NEDD1: variants seen among roughly 807,000 people sequenced by gnomAD.
The protein encoded by NEDD1 is NEDD1 gamma-tubulin ring complex targeting factor.
In NEDD1, 33 loss-of-function variants were observed where a neutral mutation model predicts 74.0. The ratio of observed to expected loss-of-function variants is 0.45; its 90% CI spans 0.34 to 0.60. NEDD1 has a LOEUF of 0.60. Ranked by LOEUF, NEDD1 falls within the 20% of genes least tolerant of loss-of-function variation. NEDD1 has a pLI of 0.01. For missense variants in NEDD1, 746 were observed against 776.5 expected (o/e 0.96, Z 0.47); for synonymous variants, 250 against 264.4 (o/e 0.95, Z 0.53).
At chr12:96,931,259 T>G (rs1876434457) in intron 6 of NEDD1, among the ~76,000 whole-genome samples, 1 of 152,204 alleles carries the variant, frequency 6.6e-6, no homozygotes, top group Non-Finnish European at 1.5e-5. Context: ...GGGAAGGCTT[T>G]TCTAAGCATA....
intron 6 of NEDD1, among the ~76,000 whole-genome samples, chr12:96,924,279 G>A (rs1282460871): frequency 6.6e-6 from 1 of 152,106 alleles, no homozygotes; most frequent in Non-Finnish European, 1.5e-5. Flanking sequence ...ATATTTTTAA[G>A]TTCACTTTGA....
chr12:96,923,354 T>G (rs1183445371), intron 6 of NEDD1, among the ~76,000 whole-genome samples: 2 of 152,194 alleles, frequency 1.3e-5, no homozygotes, highest in African/African-American at 4.8e-5. Flanking sequence ...AGATACATGT[T>G]TTTATTTATT....
intron 6 of NEDD1, among the ~76,000 whole-genome samples, chr12:96,933,883 A>G (rs1361275797): frequency 3.9e-5 from 6 of 152,206 alleles, no homozygotes; most frequent in African/African-American, 1.4e-4. Flanking sequence ...AAGTAGATAA[A>G]ATTCAGTTAG....
At chr12:96,912,597 C>G (rs1874031715) in intron 3 of NEDD1, 126 bp from the exon 4 acceptor site, 1 of 513,304 alleles carries the variant, frequency 1.9e-6, no homozygotes, top group South Asian at 3.5e-5. Flanking sequence ...TTTTTGAAAG[C>G]TACTCTGTAA....
intron 5 of NEDD1, among the ~76,000 whole-genome samples, chr12:96,918,106 T>A (rs951417870): frequency 1.3e-5 from 2 of 151,884 alleles, no homozygotes; most frequent in Non-Finnish European, 2.9e-5. Context: ...TAGTATTCAA[T>A]ACAGTAATCA....
Position 96,923,373 on chromosome 12 carries a change from A to G in NEDD1, c.489+3248A>G, listed in dbSNP as rs186236906. 1.8e-4 allele frequency among the ~76,000 whole-genome samples: 28 copies of G among 152,262 alleles called. 1 individual carries two copies. Among genetic ancestry groups the G allele is most frequent in the Non-Finnish European group, 8.8e-5 (6 of 68,020 alleles). ...ACATGTTTTTATTTATTTTGAGTAA[A>G]TACTTAGGAGTGGAATTGCAGGATT... On this transcript the variant is annotated intron_variant, in intron 6 of 15. Coordinates refer to ENST00000266742, the MANE Select transcript of NEDD1 (RefSeq NM_152905.4).
chr12:96,907,899 C>T, intron 2 of NEDD1, 43 bp downstream of exon 2: 1 of 1,311,832 alleles, frequency 7.6e-7, no homozygotes, highest in Non-Finnish European at 9.7e-7. Context: ...GCTTTAAGAG[C>T]CGAAAACAAA....
chr12:96,920,262 A>G (rs1874925578), intron 6 of NEDD1, 137 bp downstream of exon 6: 2 of 521,640 alleles, frequency 3.8e-6, no homozygotes, highest in East Asian at 5.9e-5. Context: ...GTTTTAAAAT[A>G]TTCAGATAGC....
chr12:96,935,244 T>TA, intron 7 of NEDD1, 39 bp downstream of exon 7: 1 of 1,165,016 alleles, frequency 8.6e-7, no homozygotes, highest in Non-Finnish European at 1.3e-6. Context: ...TAGTAACAAA[T>TA]AGCTATTATT....
intron 6 of NEDD1, among the ~76,000 whole-genome samples, chr12:96,930,237 T>TCA: frequency 6.6e-6 from 1 of 151,012 alleles, no homozygotes; most frequent in East Asian, 1.9e-4. Flanking sequence ...TCTCTCTCTC[T>TCA]CTCTCTCACA....
intron 8 of NEDD1, 52 bp from the exon 9 acceptor site, chr12:96,937,146 A>G (rs375424950): frequency 3.0e-5 from 29 of 962,696 alleles, no homozygotes; most frequent in African/African-American, 5.2e-5. Flanking sequence ...ATATTAATGT[A>G]TAGTATGAAA....
chr12:96,933,627 TCTTAA>T (rs2136577027), intron 6 of NEDD1, among the ~76,000 whole-genome samples: 1 of 152,316 alleles, frequency 6.6e-6, no homozygotes, highest in East Asian at 1.9e-4. Flanking sequence ...ATATTAATTG[TCTTAA>T]CTTAGGTGCC....
chr12:96,944,719 G>A lies in NEDD1; in HGVS notation c.1578G>A (p.Glu526=). 1 of 1,600,940 alleles carries A rather than the reference G, an allele frequency of 6.2e-7. No individual in the cohort carries two copies. The highest frequency in any genetic ancestry group is 8.5e-7 in the Non-Finnish European group (1 of 1,173,878). ...SPSSNQTRNS[E]KFEKPENEIE... Reference sequence around the variant, plus strand: ...CATCTAACCAAACAAGAAATTCTGAGAAATTTGAAAAGCCAGAGAATGAAA... The same window carrying A: ...CATCTAACCAAACAAGAAATTCTGAAAAATTTGAAAAGCCAGAGAATGAAA... Residue 526 remains glutamate, a synonymous_variant, in exon 13 of 16, where the codon GAG becomes GAA. Transcript: ENST00000266742.
At chr12:96,932,862 A>T (rs1000220189) in intron 6 of NEDD1, among the ~76,000 whole-genome samples, 15 of 151,614 alleles carry the variant, frequency 9.9e-5, no homozygotes, top group African/African-American at 3.4e-4. Flanking sequence ...TCAGGAAAAC[A>T]AGAGTGTTTT....
intron 13 of NEDD1, 123 bp downstream of exon 13, chr12:96,944,918 G>A (rs249585): frequency 0.48 from 318,206 of 668,532 alleles, 76,472 homozygotes; most frequent in East Asian, 0.56. Context: ...TTTAAAGTTT[G>A]TGGACACTTC....
In NEDD1 at chr12:96,951,509, C is replaced by G; in HGVS notation, c.1878+11C>G. 1 of 1,360,132 alleles carries G rather than the reference C, an allele frequency of 7.4e-7. No individual in the cohort carries two copies. Among genetic ancestry groups the G allele is most frequent in the Non-Finnish European group, 1.0e-6 (1 of 964,388 alleles). 84.3% of individuals were successfully genotyped at this position (1,360,132 alleles called of 1,614,324 possible). On this transcript the variant is annotated intron_variant, in intron 15 of 15. Transcript: ENST00000266742. ...TTTCATATGCAACTGGTATGTATGG[C>G]AAATTTTATTTTAATATTTTAAATG... is the stretch of plus-strand genomic sequence containing the variant.
At chr12:96,930,673 T>C (rs1876359428) in intron 6 of NEDD1, among the ~76,000 whole-genome samples, 1 of 152,118 alleles carries the variant, frequency 6.6e-6, no homozygotes, top group South Asian at 2.1e-4. Context: ...CAAATAAGTT[T>C]AGGCAGAGTG....
chr12:96,944,385 A>G (rs1453772396), intron 12 of NEDD1, among the ~76,000 whole-genome samples: 8 of 151,930 alleles, frequency 5.3e-5, no homozygotes, highest in African/African-American at 1.9e-4. Flanking sequence ...TCTATTTTAA[A>G]TGATACTTAA....
chr12:96,931,117 A>G (rs1241618436), intron 6 of NEDD1, among the ~76,000 whole-genome samples: 5 of 152,210 alleles, frequency 3.3e-5, no homozygotes, highest in Non-Finnish European at 5.9e-5. Context: ...ATGGAGTCAA[A>G]GGAACACTAT....
Sources: allele counts gnomAD v4.1 joint callset (sites outside exome capture counted in the v4.1 genomes callset), GRCh38; gene constraint gnomAD v4.1.1; transcripts MANE v1.5; gene names NCBI Gene and HGNC (gene_info 2026-07-23, HGNC 2026-07-21).